The following TEC variants were observed in gnomAD, a reference collection of about 807,000 sequenced individuals.
TEC encodes the protein tec protein tyrosine kinase, also known as tyrosine-protein kinase Tec.
TEC carries 72 observed loss-of-function variants against 93.0 expected under a neutral mutation model. The observed-to-expected ratio is 0.77, with a 90% CI of 0.64 to 0.94. TEC has a LOEUF of 0.94. TEC is among the 40% of genes least tolerant of loss of function. The pLI, the probability that TEC is intolerant of heterozygous loss-of-function variation, is 0.00. For synonymous variants in TEC, 249 were observed against 247.7 expected (o/e 1.01, Z -0.05); for missense variants, 630 against 757.9 (o/e 0.83, Z 1.98).
At chr4:48,231,171 T>C (rs371450001) in intron 1 of TEC, among the ~76,000 whole-genome samples, 4 of 152,290 alleles carry the variant, frequency 2.6e-5, no homozygotes, top group South Asian at 2.1e-4. Context: ...AGCCACTATC[T>C]TAAAGGAAGA....
intron 2 of TEC, among the ~76,000 whole-genome samples, chr4:48,197,990 C>T (rs1158742069): frequency 6.6e-6 from 1 of 152,244 alleles, no homozygotes; most frequent in African/African-American, 2.4e-5. Context: ...CCAATTCCCA[C>T]ATGCATTTTC....
chr4:48,204,946 C>T (rs1211178062), intron 2 of TEC, among the ~76,000 whole-genome samples: 5 of 152,168 alleles, frequency 3.3e-5, no homozygotes, highest in African/African-American at 9.7e-5. Context: ...ATCATCAAAC[C>T]TGGCGGTGGT....
chr4:48,251,941 T>C (rs1181349039), intron 1 of TEC, among the ~76,000 whole-genome samples: 1 of 152,174 alleles, frequency 6.6e-6, no homozygotes, highest in Admixed American at 6.5e-5. Context: ...TCCTAAGATC[T>C]GGTTTTTACA....
chr4:48,215,410 G>A (rs56789983), intron 2 of TEC, among the ~76,000 whole-genome samples: 14,849 of 152,236 alleles, frequency 0.098, 775 homozygotes, highest in South Asian at 0.18. Context: ...GGGAGGCTGA[G>A]GCAGGAAAAT....
intron 1 of TEC, among the ~76,000 whole-genome samples, chr4:48,242,190 A>G (rs1192102948): frequency 6.6e-6 from 1 of 152,212 alleles, no homozygotes; most frequent in East Asian, 1.9e-4. Flanking sequence ...AACAAAATAA[A>G]TTAATGTTTG....
intron 12 of TEC, 105 bp from the exon 13 acceptor site, chr4:48,145,684 G>GT: frequency 1.8e-5 from 22 of 1,196,414 alleles, no homozygotes; most frequent in South Asian, 2.8e-5. Flanking sequence ...CAAAATTACA[G>GT]GATAACACTG....
intron 1 of TEC, among the ~76,000 whole-genome samples, chr4:48,254,683 G>A (rs571255663): frequency 6.6e-6 from 1 of 152,378 alleles, no homozygotes; most frequent in Admixed American, 6.5e-5. Context: ...TCTTTGATCA[G>A]CATCCAAAGA....
chr4:48,188,866 T>C (rs892140554), intron 2 of TEC, among the ~76,000 whole-genome samples: 2 of 151,806 alleles, frequency 1.3e-5, no homozygotes, highest in African/African-American at 2.4e-5. Context: ...ACAAGGTGTG[T>C]GTGTGCATGT....
intron 1 of TEC, among the ~76,000 whole-genome samples, chr4:48,259,531 C>T (rs1291598177): frequency 2.0e-5 from 3 of 152,016 alleles, no homozygotes; most frequent in Non-Finnish European, 2.9e-5. Context: ...GCCTGGCCAA[C>T]GTGGCAAAAG....
rs545622724 is a variant in TEC at position 48,137,327 on chromosome 4, A to G, written c.*89T>C. On this transcript the variant is annotated 3_prime_UTR_variant, in exon 18 of 18. Coordinates refer to ENST00000381501, the MANE Select transcript of TEC (RefSeq NM_003215.3). Reference sequence around the variant, plus strand: ...TTCCACTGTATAAGTAAAATGATCTACATGTCCAAGTGCTCAATAAATTAA... The same window carrying G: ...TTCCACTGTATAAGTAAAATGATCTGCATGTCCAAGTGCTCAATAAATTAA... The G allele has an allele frequency of 7.9e-6, 8 of 1,011,030 alleles. No individual in the cohort carries two copies. The highest frequency in any genetic ancestry group is 1.2e-5 in the Non-Finnish European group (8 of 656,884). 62.6% of individuals were successfully genotyped at this position (1,011,030 alleles called of 1,614,324 possible). A position where few individuals can be genotyped will look rare whatever the true frequency, so the allele number is the denominator to read the frequency against.
intron 11 of TEC, 148 bp from the exon 12 acceptor site, chr4:48,146,547 T>G: frequency 1.6e-6 from 1 of 626,878 alleles, no homozygotes; most frequent in South Asian, 2.2e-5. Context: ...CTATATGCTT[T>G]TATTCATTCA....
chr4:48,220,410 A>G (rs1023634093), intron 2 of TEC, among the ~76,000 whole-genome samples: 1 of 151,976 alleles, frequency 6.6e-6, no homozygotes, highest in Non-Finnish European at 1.5e-5. Context: ...ATCCCTCATG[A>G]ATGGCCTGGT....
intron 1 of TEC, among the ~76,000 whole-genome samples, chr4:48,245,090 T>C (rs1339748368): frequency 6.6e-6 from 1 of 152,062 alleles, no homozygotes; most frequent in African/African-American, 2.4e-5. Context: ...GTGAGGATAT[T>C]CAGACCATCC....
At chr4:48,225,477 C>G (rs1437075849) in intron 2 of TEC, among the ~76,000 whole-genome samples, 1 of 152,148 alleles carries the variant, frequency 6.6e-6, no homozygotes, top group East Asian at 1.9e-4. Flanking sequence ...ACGACCGGCC[C>G]TCACATTCTT....
At chr4:48,242,304 A>G (rs532620230) in intron 1 of TEC, among the ~76,000 whole-genome samples, 33 of 152,360 alleles carry the variant, frequency 2.2e-4, no homozygotes, top group African/African-American at 7.9e-4. Flanking sequence ...TGTCTTACAC[A>G]AGCCACACAA....
At chr4:48,268,390 A>T (rs1724694508) in intron 1 of TEC, among the ~76,000 whole-genome samples, 1 of 152,216 alleles carries the variant, frequency 6.6e-6, no homozygotes. Context: ...ACATAAACAC[A>T]CCACAGTAAG....
At chr4:48,204,870 G>A (rs775824301) in intron 2 of TEC, among the ~76,000 whole-genome samples, 1 of 152,096 alleles carries the variant, frequency 6.6e-6, no homozygotes, top group Non-Finnish European at 1.5e-5. Context: ...AACAGGCCAC[G>A]CACCGAAACC....
chr4:48,216,938 T>C (rs1241270043), intron 2 of TEC, among the ~76,000 whole-genome samples: 2 of 152,238 alleles, frequency 1.3e-5, no homozygotes, highest in East Asian at 3.8e-4. Context: ...CTATTGTTTC[T>C]ACTCTTAAGT....
intron 1 of TEC, among the ~76,000 whole-genome samples, chr4:48,237,167 C>T (rs1485229460): frequency 1.3e-5 from 2 of 151,950 alleles, no homozygotes; most frequent in Non-Finnish European, 2.9e-5. Flanking sequence ...CCTATCTCTA[C>T]TGAAAATACA....
Sources: gnomAD v4.1 joint callset for allele counts (sites outside exome capture counted in the v4.1 genomes callset) on GRCh38, gnomAD v4.1.1 for gene constraint, MANE v1.5 for transcripts, NCBI Gene and HGNC (gene_info 2026-07-23, HGNC 2026-07-21) for gene names.